Variants in SYT16 observed in about 807,000 individuals in gnomAD.
SYT16 encodes synaptotagmin-16.
Under a neutral mutation model 61.4 loss-of-function variants are expected in SYT16, and 42 were observed. The ratio of observed to expected loss-of-function variants is 0.68; its 90% confidence interval spans 0.53 to 0.89. SYT16 has a LOEUF of 0.89. Ranked by LOEUF, SYT16 falls within the 40% of genes least tolerant of loss-of-function variation. The probability of loss-of-function intolerance (pLI) is 0.00; values close to 1 mark genes in which losing one functional copy is unlikely to be tolerated. For missense variants in SYT16, 804 were observed against 807.3 expected, an observed-to-expected ratio of 1.00 and a Z score of 0.05; for synonymous variants, 314 against 302.3, an observed-to-expected ratio of 1.04 and a Z score of -0.40.
chr14:62,103,659 A>G lies in SYT16; in HGVS notation c.*2952A>G, dbSNP rs1290511471. 6 of 152,230 alleles carry G rather than the reference A, an allele frequency of 3.9e-5. No homozygotes were observed. Among genetic ancestry groups the G allele is most frequent in the Non-Finnish European group, 8.8e-5 (6 of 68,066 alleles). The allele number at this position is 152,230 out of a possible 1,614,324, so 9.4% of individuals were successfully genotyped here. On this transcript the variant is annotated 3_prime_UTR_variant, in exon 8 of 8. Coordinates refer to ENST00000683842, the MANE Select transcript of SYT16 (RefSeq NM_001367656.1). ...CGTTCCCTCTCCTTCACTGGCTCCC[A>G]GTGTGATGCACAGTTGTTTTGGACT... is the stretch of plus-strand genomic sequence containing the variant.
intron 7 of SYT16, among the ~76,000 whole-genome samples, chr14:62,099,689 G>A (rs1270317424): frequency 6.6e-6 from 1 of 152,112 alleles, no homozygotes; most frequent in African/African-American, 2.4e-5. Context: ...AGATGCCTGG[G>A]CAACATAGGG....
rs1306863841 is a variant in SYT16, at chr14:62,080,884, C to A, written c.1044C>A (p.Ile348=). 6.2e-7 allele frequency: 1 copy of A among 1,604,890 alleles called. No homozygotes were observed. Among genetic ancestry groups the A allele is most frequent in the Non-Finnish European group, 8.5e-7 (1 of 1,175,590 alleles). Residue 348 remains isoleucine, a synonymous_variant, in exon 6 of 8, where the codon ATC becomes ATA. Transcript: ENST00000683842. ...TGCCATCCGGGGTCTCAGAGCCCATCTCAAAGTGTGGTGACCTAGATGTCA... is the reference window on the plus strand; with the variant it reads ...TGCCATCCGGGGTCTCAGAGCCCATATCAAAGTGTGGTGACCTAGATGTCA... ...LQVPSGVSEP[I]SKCGDLDVIF... is the part of the protein sequence containing the mutation.
intron 3 of SYT16, among the ~76,000 whole-genome samples, chr14:62,011,460 G>A (rs536311744): frequency 1.6e-4 from 24 of 152,244 alleles, no homozygotes; most frequent in South Asian, 8.3e-4. Context: ...CTTGATTCAC[G>A]TGGCTTGACT....
intron 1 of SYT16, among the ~76,000 whole-genome samples, chr14:61,950,190 C>T (rs1283590287): frequency 6.6e-6 from 1 of 152,150 alleles, no homozygotes; most frequent in African/African-American, 2.4e-5. Context: ...TATTTAAAAG[C>T]CTCCAACCTC....
At chr14:61,953,054 C>T (rs1319362493) in intron 1 of SYT16, among the ~76,000 whole-genome samples, 1 of 152,102 alleles carries the variant, frequency 6.6e-6, no homozygotes, top group Non-Finnish European at 1.5e-5. Context: ...TTGTTCTTCT[C>T]TTCTTTTAGT....
At chr14:62,096,451 T>C (rs2057277405) in intron 7 of SYT16, among the ~76,000 whole-genome samples, 1 of 152,068 alleles carries the variant, frequency 6.6e-6, no homozygotes, top group South Asian at 2.1e-4. Flanking sequence ...AGCAATTAAA[T>C]GTTCATTAAC....
At chr14:61,877,636 G>GA (rs1175917089) in intron 1 of SYT16, among the ~76,000 whole-genome samples, 1 of 152,200 alleles carries the variant, frequency 6.6e-6, no homozygotes, top group Non-Finnish European at 1.5e-5. Context: ...GCTGGGCATA[G>GA]AAACGCTTAA....
chr14:61,839,598 C>G (rs114741749), intron 1 of SYT16, among the ~76,000 whole-genome samples: 3,406 of 152,128 alleles, frequency 0.022, 62 homozygotes, highest in African/African-American at 0.052. Flanking sequence ...AGAACTGCAC[C>G]AGTACAAGTG....
intron 7 of SYT16, among the ~76,000 whole-genome samples, chr14:62,092,193 CACA>C (rs1566841937): frequency 0.019 from 1,923 of 100,476 alleles, 45 homozygotes; most frequent in African/African-American, 0.055. Flanking sequence ...CACACACACA[CACA>C]CACACACACA....
intron 1 of SYT16, among the ~76,000 whole-genome samples, chr14:61,836,182 C>T (rs1414876937): frequency 6.6e-6 from 1 of 152,202 alleles, no homozygotes; most frequent in East Asian, 1.9e-4. Context: ...CAAGTCTTTA[C>T]TCCTGTATCC....
In SYT16 at chr14:61,925,877, C is replaced by T. The variant is rs185461614; in HGVS notation, c.-324-44255C>T. 5.8e-4 allele frequency among the ~76,000 whole-genome samples: 89 copies of T among 152,246 alleles called. 1 individual carries two copies. The highest frequency in any genetic ancestry group is 2.0e-3 in the African/African-American group (85 of 41,532). On this transcript the variant is annotated intron_variant, in intron 1 of 7. Coordinates refer to ENST00000683842, the MANE Select transcript of SYT16 (RefSeq NM_001367656.1). ...CCTCAAGGAAAAGGTGGAGATTTCA[C>T]AAGAATGTAAAAGCCAAAGGAAAAC...
intron 3 of SYT16, among the ~76,000 whole-genome samples, chr14:62,014,019 GT>G (rs1398451134): frequency 1.3e-5 from 2 of 151,538 alleles, no homozygotes; most frequent in African/African-American, 4.8e-5. Flanking sequence ...CCTTACCTGG[GT>G]TCTGGACTCC....
chr14:61,812,294 T>A (rs955228351), upstream of SYT16: 19 of 152,352 alleles, frequency 1.2e-4, no homozygotes, highest in Admixed American at 5.2e-4. Flanking sequence ...TCCTTCCAGC[T>A]GGGGCTGAGC....
intron 1 of SYT16, among the ~76,000 whole-genome samples, chr14:61,947,267 C>CGTGTGT (rs59798244): frequency 0.14 from 17,397 of 125,686 alleles, 1,190 homozygotes; most frequent in African/African-American, 0.19. Flanking sequence ...TTTAGTCCTT[C>CGTGTGT]GTGTGTGTGT....
chr14:62,029,780 GA>G (rs35272199), intron 3 of SYT16, among the ~76,000 whole-genome samples: 14,585 of 145,658 alleles, frequency 0.1, 1,318 homozygotes, highest in African/African-American at 0.24. Flanking sequence ...AGTCTAGTTG[GA>G]AAAAAAAAAA....
At chr14:61,861,485 C>G (rs1461837989) in intron 1 of SYT16, among the ~76,000 whole-genome samples, 1 of 152,082 alleles carries the variant, frequency 6.6e-6, no homozygotes, top group Non-Finnish European at 1.5e-5. Context: ...ACATGACTCA[C>G]TACAGCCTTG....
chr14:62,008,631 CTTTTT>C (rs374026559), intron 3 of SYT16, among the ~76,000 whole-genome samples: 1 of 134,944 alleles, frequency 7.4e-6, no homozygotes, highest in Non-Finnish European at 1.6e-5. Context: ...TTTCTGTTTT[CTTTTT>C]TTTTTTTTTT....
At chr14:61,865,032 G>T in intron 1 of SYT16, 1 of 1,409,624 alleles carries the variant, frequency 7.1e-7, no homozygotes, top group Non-Finnish European at 1.0e-6. Context: ...GGGCATTTCT[G>T]CTGTATTCGG....
chr14:62,066,846 G>C (rs757022298), intron 3 of SYT16, among the ~76,000 whole-genome samples: 5 of 152,228 alleles, frequency 3.3e-5, no homozygotes, highest in Non-Finnish European at 7.3e-5. Context: ...GGTATATGCA[G>C]ATTAGGTGGG....
Sources: allele counts gnomAD v4.1 joint callset (sites outside exome capture counted in the v4.1 genomes callset), GRCh38; gene constraint gnomAD v4.1.1; transcripts MANE v1.5; gene names NCBI Gene and HGNC (gene_info 2026-07-23, HGNC 2026-07-21).